CADPS2: variants seen among roughly 807,000 people sequenced by gnomAD.
The protein encoded by CADPS2 is calcium-dependent secretion activator 2.
Under a neutral mutation model 172.5 loss-of-function variants are expected in CADPS2, and 93 were observed. The observed-to-expected ratio is 0.54, with a 90% confidence interval of 0.46 to 0.64. The LOEUF is 0.64. Ranked by LOEUF, CADPS2 falls within the 30% of genes least tolerant of loss-of-function variation. The probability of loss-of-function intolerance (pLI) is 0.00; values close to 1 mark genes in which losing one functional copy is unlikely to be tolerated. For synonymous variants in CADPS2, 546 were observed against 555.2 expected, an observed-to-expected ratio of 0.98 and a Z score of 0.23; for missense variants, 1,420 against 1,565.9, an observed-to-expected ratio of 0.91 and a Z score of 1.57.
Position 122,878,619 on chromosome 7 carries a change from G to A in CADPS2, c.339+7380C>T, listed in dbSNP as rs372372682. 1.1e-4 allele frequency among the ~76,000 whole-genome samples: 17 copies of A among 149,252 alleles called. No homozygotes were observed. The East Asian group carries it at 2.2e-3, about 19-fold the overall frequency. ...CCTGCCACTGCACTCCAGCCTGGGC[G>A]ACAGAGCAAGACTCTGTCTCAAATA... On this transcript the variant is annotated intron_variant, in intron 1 of 29. Coordinates refer to ENST00000449022, the MANE Select transcript of CADPS2 (RefSeq NM_017954.11).
At chr7:122,347,036 A>G (rs551842495) in intron 27 of CADPS2, among the ~76,000 whole-genome samples, 1 of 152,306 alleles carries the variant, frequency 6.6e-6, no homozygotes, top group African/African-American at 2.4e-5. Context: ...CCATCGACCT[A>G]ATGATAGGTA....
chr7:122,491,196 G>C (rs946341733), intron 10 of CADPS2, 116 bp downstream of exon 10: 14 of 548,150 alleles, frequency 2.6e-5, no homozygotes, highest in Middle Eastern at 3.3e-4. Context: ...AGGTATATAA[G>C]TGAAATATGC....
chr7:122,789,045 T>C (rs1410673159), intron 1 of CADPS2, among the ~76,000 whole-genome samples: 2 of 152,176 alleles, frequency 1.3e-5, no homozygotes, highest in East Asian at 1.9e-4. Context: ...TTTAAGATGC[T>C]CAGAGTCCTT....
intron 20 of CADPS2, among the ~76,000 whole-genome samples, chr7:122,404,143 T>G (rs1350922986): frequency 1.3e-5 from 2 of 149,308 alleles, no homozygotes; most frequent in Non-Finnish European, 1.5e-5. Flanking sequence ...CCCTCCCCCC[T>G]CTCCCCACCC....
At chr7:122,369,314 G>A (rs1008854544) in intron 25 of CADPS2, among the ~76,000 whole-genome samples, 2 of 151,850 alleles carry the variant, frequency 1.3e-5, no homozygotes, top group Admixed American at 6.6e-5. Context: ...GTATTTTTTA[G>A]TAGAAACGGG....
chr7:122,371,074 GT>G (rs751099953), intron 25 of CADPS2, among the ~76,000 whole-genome samples: 4 of 152,162 alleles, frequency 2.6e-5, no homozygotes, highest in African/African-American at 4.8e-5. Context: ...CCCCAAATGG[GT>G]TAGTAACCTC....
intron 8 of CADPS2, among the ~76,000 whole-genome samples, chr7:122,514,712 T>C (rs557944369): frequency 5.3e-5 from 8 of 152,282 alleles, no homozygotes; most frequent in African/African-American, 1.9e-4. Context: ...GTGTTGTTTA[T>C]ATTATTGGAA....
At chr7:122,371,964 T>C (rs1010853473) in intron 25 of CADPS2, among the ~76,000 whole-genome samples, 1 of 149,386 alleles carries the variant, frequency 6.7e-6, no homozygotes, top group Non-Finnish European at 1.5e-5. Context: ...AAATACGGGA[T>C]TTTAGGTGAT....
At chr7:122,578,677 G>A (rs564732360) in intron 7 of CADPS2, among the ~76,000 whole-genome samples, 88 of 152,210 alleles carry the variant, frequency 5.8e-4, no homozygotes, top group African/African-American at 2.0e-3. Flanking sequence ...AAATAAATTG[G>A]AAGACATTGG....
In CADPS2 at chr7:122,813,038, G is replaced by T. The variant is rs147287689; in HGVS notation, c.339+72961C>A. ...TCCAATATGGGACACAGCAGGAAAA[G>T]CCTCAATAACAGGACTGAGGCCCTA... On this transcript the variant is annotated intron_variant, in intron 1 of 29. Coordinates refer to ENST00000449022, the MANE Select transcript of CADPS2 (RefSeq NM_017954.11). 5.3e-5 allele frequency among the ~76,000 whole-genome samples: 8 copies of T among 152,236 alleles called. No individual in the cohort carries two copies. In the East Asian group the frequency reaches 1.5e-3, roughly 29 times the overall value.
At chr7:122,807,649 C>G (rs1487311629) in intron 1 of CADPS2, among the ~76,000 whole-genome samples, 3 of 152,196 alleles carry the variant, frequency 2.0e-5, no homozygotes, top group African/African-American at 7.2e-5. Flanking sequence ...GGCTGGAAGT[C>G]CAAGATCAAA....
chr7:122,400,484 G>GA (rs925960199), intron 20 of CADPS2, among the ~76,000 whole-genome samples: 2 of 151,228 alleles, frequency 1.3e-5, no homozygotes, highest in Non-Finnish European at 3.0e-5. Flanking sequence ...AACAAAAAAA[G>GA]AAAAAAAAGA....
intron 1 of CADPS2, among the ~76,000 whole-genome samples, chr7:122,801,757 CT>C (rs201820529): frequency 6.9e-6 from 1 of 143,942 alleles, no homozygotes; most frequent in Non-Finnish European, 1.5e-5. Flanking sequence ...CCAAGAGAAT[CT>C]TTTTTTTTAA....
chr7:122,800,289 T>C (rs1159287360), intron 1 of CADPS2, among the ~76,000 whole-genome samples: 1 of 152,176 alleles, frequency 6.6e-6, no homozygotes, highest in Non-Finnish European at 1.5e-5. Context: ...TAACATCTCC[T>C]TCAGATTTCT....
chr7:122,731,390 T>C (rs1056538439), intron 2 of CADPS2, among the ~76,000 whole-genome samples: 3 of 151,772 alleles, frequency 2.0e-5, no homozygotes, highest in African/African-American at 7.2e-5. Flanking sequence ...TTTCCACATG[T>C]CCACTGTAAA....
At chr7:122,733,399 T>C (rs1396642692) in intron 2 of CADPS2, among the ~76,000 whole-genome samples, 1 of 151,894 alleles carries the variant, frequency 6.6e-6, no homozygotes, top group East Asian at 1.9e-4. Flanking sequence ...GGGGATACAA[T>C]GGTAAACAGA....
At chr7:122,661,739 G>A (rs115034622) in intron 3 of CADPS2, among the ~76,000 whole-genome samples, 1 of 151,904 alleles carries the variant, frequency 6.6e-6, no homozygotes, top group Admixed American at 6.6e-5. Context: ...ATGTTTTTTC[G>A]CTCAACTTGG....
At chr7:122,634,840 G>A (rs2076908955) in intron 3 of CADPS2, among the ~76,000 whole-genome samples, 1 of 152,028 alleles carries the variant, frequency 6.6e-6, no homozygotes, top group Non-Finnish European at 1.5e-5. Context: ...CAAAGATTTT[G>A]GTAAGTTCTG....
At chr7:122,471,173 G>A (rs1438343686) in intron 14 of CADPS2, among the ~76,000 whole-genome samples, 1 of 150,932 alleles carries the variant, frequency 6.6e-6, no homozygotes, top group African/African-American at 2.4e-5. Flanking sequence ...GGCTTTACCA[G>A]CAAAAAGAAA....
Sources: gnomAD v4.1 joint callset for allele counts (sites outside exome capture counted in the v4.1 genomes callset) on GRCh38, gnomAD v4.1.1 for gene constraint, MANE v1.5 for transcripts, NCBI Gene and HGNC (gene_info 2026-07-23, HGNC 2026-07-21) for gene names.